Variants in DTL observed in about 807,000 individuals in gnomAD.
DTL encodes the protein denticleless protein homolog.
A neutral mutation model predicts 87.0 loss-of-function variants in DTL; 46 were observed. The observed-to-expected ratio is 0.53, with a 90% confidence interval of 0.42 to 0.68. The LOEUF (loss-of-function observed/expected upper bound fraction) is 0.68. Ranked by LOEUF, DTL falls within the 30% of genes least tolerant of loss-of-function variation. The pLI, the probability that DTL is intolerant of heterozygous loss-of-function variation, is 0.00. For missense variants in DTL, 737 were observed against 869.4 expected, an observed-to-expected ratio of 0.85 and a Z score of 1.91; for synonymous variants, 308 against 311.2, an observed-to-expected ratio of 0.99 and a Z score of 0.11.
rs557447584 is a variant in DTL at position 212,098,162 on chromosome 1, G to A, written c.1262-2090G>A. ...TGAAGTGGACTGTGTGAGAGTACTT[G>A]GTTGTAGTTTTATTTAGTGTACTGG... On this transcript the variant is annotated intron_variant, in intron 13 of 14. Transcript: ENST00000366991. 5.9e-5 allele frequency among the ~76,000 whole-genome samples: 9 copies of A among 152,298 alleles called. No homozygotes were observed. The South Asian group carries it at 1.7e-3, about 28-fold the overall frequency.
At chr1:212,054,984 T>C (rs1668123134) in intron 5 of DTL, among the ~76,000 whole-genome samples, 2 of 152,130 alleles carry the variant, frequency 1.3e-5, no homozygotes, top group Non-Finnish European at 2.9e-5. Context: ...AAGTGCTGAA[T>C]TAGATGAATG....
intron 8 of DTL, among the ~76,000 whole-genome samples, 197 bp from the exon 9 acceptor site, chr1:212,068,027 G>A (rs945353428): frequency 6.6e-6 from 1 of 152,040 alleles, no homozygotes; most frequent in Admixed American, 6.5e-5. Flanking sequence ...ATCTGTTTCC[G>A]TTCTGTCAGA....
chr1:212,100,753 T>C lies in DTL; in HGVS notation c.1763T>C (p.Leu588Pro). 6.2e-7 allele frequency: 1 copy of C among 1,614,216 alleles called. No individual in the cohort carries two copies. The highest frequency in any genetic ancestry group is 8.5e-7 in the Non-Finnish European group (1 of 1,180,032). Reference sequence around the variant, plus strand: ...CAAGTTGAAAATCTTCATTTGGATCTGTGCTGCCTTGCTGGTAACCAGGAA... The same window carrying C: ...CAAGTTGAAAATCTTCATTTGGATCCGTGCTGCCTTGCTGGTAACCAGGAA... ...DGQVENLHLD[L>P]CCLAGNQEDL... The change falls in exon 14 of 15, where the codon CTG (leucine) becomes CCG (proline). Residue 588 changes from leucine (L) to proline (P), a missense_variant. Coordinates refer to ENST00000366991, the MANE Select transcript of DTL (RefSeq NM_016448.4).
At position 212,080,766 on chromosome 1, in the gene DTL, A is replaced by G; in HGVS notation, c.1261+16A>G. The G allele has an allele frequency of 6.2e-7, 1 of 1,611,656 alleles. No homozygotes were observed. ...CCTGGCCTAGGTAAGGATATCATAT[A>G]CTTTCCAAGTTTTTTATGGTTTGAC... On this transcript the variant is annotated intron_variant, in intron 13 of 14. Transcript: ENST00000366991.
At chr1:212,095,838 T>G (rs936368776) in intron 13 of DTL, among the ~76,000 whole-genome samples, 1 of 152,212 alleles carries the variant, frequency 6.6e-6, no homozygotes, top group Non-Finnish European at 1.5e-5. Flanking sequence ...TAGTTTTCTT[T>G]TTTGTCATGT....
intron 5 of DTL, among the ~76,000 whole-genome samples, chr1:212,057,135 T>C (rs1668200746): frequency 6.6e-6 from 1 of 152,096 alleles, no homozygotes; most frequent in South Asian, 2.1e-4. Context: ...TATATCCACA[T>C]ACAGGAGGCT....
intron 6 of DTL, 133 bp from the exon 7 acceptor site, chr1:212,064,784 G>A (rs1654441790): frequency 1.2e-5 from 8 of 679,094 alleles, no homozygotes; most frequent in Non-Finnish European, 2.1e-5. Context: ...AGGAGATGTA[G>A]TGCAGCTGGC....
intron 5 of DTL, among the ~76,000 whole-genome samples, chr1:212,058,928 C>T (rs1179764069): frequency 6.6e-6 from 1 of 151,676 alleles, no homozygotes; most frequent in Non-Finnish European, 1.5e-5. Context: ...AACTAGAAAA[C>T]CTAGAGGAAA....
chr1:212,048,992 G>T (rs1356923901), intron 5 of DTL, among the ~76,000 whole-genome samples: 1 of 152,020 alleles, frequency 6.6e-6, no homozygotes, highest in Non-Finnish European at 1.5e-5. Flanking sequence ...GCGTGATCTT[G>T]GCTCACTGCA....
At chr1:212,047,969 C>G (rs1172418222) in intron 5 of DTL, among the ~76,000 whole-genome samples, 1 of 152,196 alleles carries the variant, frequency 6.6e-6, no homozygotes, top group East Asian at 1.9e-4. Flanking sequence ...TAATCTTGCA[C>G]ATAAGGTAAA....
chr1:212,104,300 CTT>C lies in DTL; in HGVS notation c.*1364_*1365del, dbSNP rs1655710907. On this transcript the variant is annotated 3_prime_UTR_variant, in exon 15 of 15. Coordinates refer to ENST00000366991, the MANE Select transcript of DTL (RefSeq NM_016448.4). The stretch of plus-strand genomic sequence containing the variant: ...ATTATTTGAAAATCTATTCTGACAA[CTT>C]TTTAATTCCTTTGATCTTATAAGTT... 1 of 75,822 alleles carries C rather than the reference CTT, an allele frequency of 1.3e-5. No homozygotes were observed. Among genetic ancestry groups the C allele is most frequent in the Non-Finnish European group, 3.0e-5 (1 of 33,706 alleles). The allele number at this position is 75,822 out of a possible 1,614,324, so 4.7% of individuals were successfully genotyped here. A position where few individuals can be genotyped will look rare whatever the true frequency, so the allele number is the denominator to read the frequency against.
At chr1:212,075,850 C>T (rs1258026725) in intron 11 of DTL, among the ~76,000 whole-genome samples, 1 of 152,096 alleles carries the variant, frequency 6.6e-6, no homozygotes, top group East Asian at 1.9e-4. Context: ...CAGAAAAAAA[C>T]CCGTGTCCTT....
In DTL at chr1:212,035,905, G is replaced by T; in HGVS notation, c.15G>T (p.Ser5=). MLFN[S]VLRQPQLGVL... ...CTCCGACCCTGATGCTCTTCAATTC[G>T]GTGCTCCGCCAGCCCCAGCTTGGCG... The change falls in exon 1 of 15, where the codon TCG becomes TCT. Residue 5 remains serine, a synonymous_variant. Coordinates refer to ENST00000366991, the MANE Select transcript of DTL (RefSeq NM_016448.4). 1 of 1,614,062 alleles carries T rather than the reference G, an allele frequency of 6.2e-7. No individual in the cohort carries two copies. The highest frequency in any genetic ancestry group is 8.5e-7 in the Non-Finnish European group (1 of 1,180,010).
At chr1:212,066,210 T>G (rs1052067382) in intron 7 of DTL, among the ~76,000 whole-genome samples, 1 of 152,056 alleles carries the variant, frequency 6.6e-6, no homozygotes, top group Admixed American at 6.6e-5. Context: ...GAAGTATGAC[T>G]GCTAAGACAT....
At chr1:212,070,317 A>G (rs1416031464) in intron 10 of DTL, among the ~76,000 whole-genome samples, 2 of 152,124 alleles carry the variant, frequency 1.3e-5, no homozygotes, top group African/African-American at 2.4e-5. Context: ...AGATCGATTT[A>G]TTCCTTAAAA....
chr1:212,082,841 G>T (rs1200476492), intron 13 of DTL, among the ~76,000 whole-genome samples: 1 of 152,166 alleles, frequency 6.6e-6, no homozygotes, highest in Non-Finnish European at 1.5e-5. Flanking sequence ...TGATTGTTGG[G>T]CTTCAAGAGT....
At chr1:212,072,352 G>C in intron 11 of DTL, 139 bp downstream of exon 11, 1 of 667,274 alleles carries the variant, frequency 1.5e-6, no homozygotes, top group Non-Finnish European at 2.6e-6. Context: ...GTTGCTCTTG[G>C]CTCTTAATAT....
chr1:212,065,889 T>C (rs549427509), intron 7 of DTL, among the ~76,000 whole-genome samples: 6 of 152,190 alleles, frequency 3.9e-5, no homozygotes, highest in Non-Finnish European at 7.4e-5. Context: ...GTTTTTTTAG[T>C]AGAGACGGGG....
At position 212,037,288 on chromosome 1, in the gene DTL, T is replaced by C. The variant is rs921476072; in HGVS notation, c.52+1346T>C. Among the ~76,000 whole-genome samples the C allele has an allele frequency of 2.6e-5, 4 of 152,358 alleles. No homozygotes were observed. In the East Asian group the frequency reaches 7.7e-4, roughly 29 times the overall value. On this transcript the variant is annotated intron_variant, in intron 1 of 14. Transcript: ENST00000366991. Reference sequence around the variant, plus strand: ...TCTCAAGTACTCATTCGTTGTTACATAATAGTCACTGAAATTCATTCGTTA... The same window carrying C: ...TCTCAAGTACTCATTCGTTGTTACACAATAGTCACTGAAATTCATTCGTTA...
Sources: gnomAD v4.1 joint callset for allele counts (sites outside exome capture counted in the v4.1 genomes callset) on GRCh38, gnomAD v4.1.1 for gene constraint, MANE v1.5 for transcripts, NCBI Gene and HGNC (gene_info 2026-07-23, HGNC 2026-07-21) for gene names.